Variants in LRMDA observed in about 807,000 individuals in gnomAD.
The protein encoded by LRMDA is leucine rich melanocyte differentiation associated.
LRMDA carries 18 observed loss-of-function variants against 29.8 expected under a neutral mutation model. That is an observed-to-expected ratio of 0.60 (90% CI 0.42 to 0.90). LRMDA has a LOEUF of 0.90. Ranked by LOEUF, LRMDA falls within the 40% of genes least tolerant of loss-of-function variation. The probability of loss-of-function intolerance (pLI) is 0.00; values close to 1 mark genes in which losing one functional copy is unlikely to be tolerated. For synonymous variants in LRMDA, 125 were observed against 109.4 expected, an observed-to-expected ratio of 1.14 and a Z score of -0.89; for missense variants, 273 against 273.9, an observed-to-expected ratio of 1.00 and a Z score of 0.02.
chr10:76,037,405 G>A (rs4745807), intron 3 of LRMDA, among the ~76,000 whole-genome samples: 1 of 152,218 alleles, frequency 6.6e-6, no homozygotes, highest in African/African-American at 2.4e-5. Flanking sequence ...TACATGTAAG[G>A]CTTGGCACAT....
intron 2 of LRMDA, among the ~76,000 whole-genome samples, chr10:75,523,286 G>A (rs762588547): frequency 2.0e-5 from 3 of 152,166 alleles, no homozygotes; most frequent in Non-Finnish European, 2.9e-5. Flanking sequence ...AAATGCCTGT[G>A]TCATACTGAG....
At chr10:76,215,319 G>A (rs1010930875) in intron 5 of LRMDA, among the ~76,000 whole-genome samples, 1 of 152,136 alleles carries the variant, frequency 6.6e-6, no homozygotes, top group African/African-American at 2.4e-5. Context: ...GGGAGGAGGT[G>A]TACCTTGCTG....
intron 2 of LRMDA, among the ~76,000 whole-genome samples, chr10:75,501,191 A>G (rs1390533613): frequency 6.6e-6 from 1 of 152,146 alleles, no homozygotes; most frequent in Non-Finnish European, 1.5e-5. Context: ...CTATTACCCC[A>G]GTAGGAGTCA....
intron 2 of LRMDA, among the ~76,000 whole-genome samples, chr10:76,025,730 AGCAGAT>A (rs1174164784): frequency 6.6e-6 from 1 of 152,210 alleles, no homozygotes; most frequent in Admixed American, 6.5e-5. Context: ...ATAAGGTATC[AGCAGAT>A]GCTCAAAAGA....
intron 2 of LRMDA, among the ~76,000 whole-genome samples, chr10:75,832,519 T>C (rs1341481585): frequency 1.3e-5 from 2 of 152,214 alleles, no homozygotes; most frequent in African/African-American, 2.4e-5. Context: ...TTCTGAGCCC[T>C]CCAGACTGTT....
chr10:75,853,378 G>A (rs1844765315), intron 2 of LRMDA, among the ~76,000 whole-genome samples: 1 of 151,902 alleles, frequency 6.6e-6, no homozygotes, highest in Admixed American at 6.6e-5. Context: ...ACTTCTTTGT[G>A]TTGTGATAAT....
At chr10:75,490,937 C>G (rs1013254896) in intron 2 of LRMDA, among the ~76,000 whole-genome samples, 2 of 152,082 alleles carry the variant, frequency 1.3e-5, no homozygotes. Flanking sequence ...TTCCTTGTAT[C>G]AGGAGTACAA....
rs190841727 is a variant in LRMDA, at chr10:75,825,659, T to A, written c.132-210349T>A. On this transcript the variant is annotated intron_variant, in intron 2 of 6. Transcript: ENST00000611255. ...AATATCTATTGCACATTGAACATGATATATGAAACCATAACCTACTCTTGT... is the reference window on the plus strand; with the variant it reads ...AATATCTATTGCACATTGAACATGAAATATGAAACCATAACCTACTCTTGT... 2.3e-3 allele frequency among the ~76,000 whole-genome samples: 352 copies of A among 152,314 alleles called. 1 individual carries two copies. Among genetic ancestry groups the A allele is most frequent in the African/African-American group, 8.0e-3 (332 of 41,558 alleles).
chr10:75,954,283 C>A (rs570911494), intron 2 of LRMDA, among the ~76,000 whole-genome samples: 1 of 152,130 alleles, frequency 6.6e-6, no homozygotes, highest in Admixed American at 6.5e-5. Flanking sequence ...AGGGGTGGAG[C>A]AGTTGTGTGC....
chr10:75,771,297 T>G lies in LRMDA; in HGVS notation c.132-264711T>G, dbSNP rs557046326. 8.5e-5 allele frequency among the ~76,000 whole-genome samples: 13 copies of G among 152,150 alleles called. No homozygotes were observed. The East Asian group carries it at 2.3e-3, about 27-fold the overall frequency. On this transcript the variant is annotated intron_variant, in intron 2 of 6. Coordinates refer to ENST00000611255, the MANE Select transcript of LRMDA (RefSeq NM_001305581.2). ...CATCCATGCATTTTTTTTTTTTATC[T>G]AGTCATCCATTTAGCCAAGAGTTCT...
Position 75,622,253 on chromosome 10 carries a change from G to GACAAAGATGGGGGAAATATGAAATTA in LRMDA, c.131+183761_131+183786dup, listed in dbSNP as rs1167950584. On this transcript the variant is annotated intron_variant, in intron 2 of 6. Coordinates refer to ENST00000611255, the MANE Select transcript of LRMDA (RefSeq NM_001305581.2). ...GAAGTTGAAAATAAATTCAGACATA[G>GACAAAGATGGGGGAAATATGAAATTA]ACAAAGATGGGGGAAATATGAAATT... Among the ~76,000 whole-genome samples, 3 of 152,286 alleles carry GACAAAGATGGGGGAAATATGAAATTA rather than the reference G, an allele frequency of 2.0e-5. No individual in the cohort carries two copies. The South Asian group carries it at 6.2e-4, about 32-fold the overall frequency.
intron 6 of LRMDA, among the ~76,000 whole-genome samples, chr10:76,429,944 A>G (rs1842173866): frequency 6.6e-6 from 1 of 152,212 alleles, no homozygotes; most frequent in South Asian, 2.1e-4. Context: ...CAGATCCGAG[A>G]CAACTATTTT....
chr10:75,438,816 T>A (rs1844292705), intron 2 of LRMDA, among the ~76,000 whole-genome samples: 1 of 152,218 alleles, frequency 6.6e-6, no homozygotes, highest in Non-Finnish European at 1.5e-5. Context: ...CAGGTCAGAA[T>A]ACTCTTGGGG....
chr10:76,117,835 T>C (rs1849692926), intron 5 of LRMDA, among the ~76,000 whole-genome samples: 2 of 152,106 alleles, frequency 1.3e-5, no homozygotes, highest in African/African-American at 4.8e-5. Context: ...AGTGTGGTGG[T>C]GGTGAAGTGG....
At chr10:75,621,989 T>C (rs1029378054) in intron 2 of LRMDA, among the ~76,000 whole-genome samples, 1 of 152,216 alleles carries the variant, frequency 6.6e-6, no homozygotes, top group African/African-American at 2.4e-5. Flanking sequence ...GCCATTTCTC[T>C]GAAACACATA....
intron 2 of LRMDA, among the ~76,000 whole-genome samples, chr10:75,616,240 TAGCAGCAGTAGCAGCAGCAGC>T (rs1419174880): frequency 4.8e-5 from 7 of 146,798 alleles, no homozygotes; most frequent in African/African-American, 1.4e-4. Context: ...ATAGTAGCAG[TAGCAGCAGTAGCAGCAGCAGC>T]AGCAGCAGCA....
intron 2 of LRMDA, among the ~76,000 whole-genome samples, chr10:75,995,271 A>G (rs962917824): frequency 6.6e-6 from 1 of 152,186 alleles, no homozygotes; most frequent in African/African-American, 2.4e-5. Context: ...CAGGTGAAGT[A>G]CTTGCAGCTG....
rs1391045991 is a variant in LRMDA, at chr10:76,181,660, T to C, written c.516+122877T>C. On this transcript the variant is annotated intron_variant, in intron 5 of 6. Coordinates refer to ENST00000611255, the MANE Select transcript of LRMDA (RefSeq NM_001305581.2). ...TAGAGGCCAGAGATAAGGACCTCTT[T>C]CTAATCTTTGCTGCAAATGAAAATG... 3.3e-5 allele frequency among the ~76,000 whole-genome samples: 5 copies of C among 152,212 alleles called. No homozygotes were observed. The South Asian group carries it at 8.3e-4, about 25-fold the overall frequency.
intron 5 of LRMDA, among the ~76,000 whole-genome samples, chr10:76,163,502 T>G (rs1191570015): frequency 6.6e-6 from 1 of 152,190 alleles, no homozygotes; most frequent in Non-Finnish European, 1.5e-5. Flanking sequence ...AAGTAAACTT[T>G]TTTTTTCAAC....
Sources: allele counts gnomAD v4.1 joint callset (sites outside exome capture counted in the v4.1 genomes callset), GRCh38; gene constraint gnomAD v4.1.1; transcripts MANE v1.5; gene names NCBI Gene and HGNC (gene_info 2026-07-23, HGNC 2026-07-21).